Variants in MED15 observed in about 807,000 individuals in gnomAD.
The protein encoded by MED15 is mediator complex subunit 15.
Under a neutral mutation model 118.7 loss-of-function variants are expected in MED15, and 41 were observed. The observed-to-expected ratio is 0.35, with a 90% CI of 0.27 to 0.45. The LOEUF (loss-of-function observed/expected upper bound fraction) is 0.45, where lower values mean the gene tolerates loss of function less well. MED15 is among the 20% of genes least tolerant of loss of function. MED15 has a pLI of 1.00. For missense variants in MED15, 740 were observed against 1,025.5 expected (o/e 0.72, Z 3.80); for synonymous variants, 436 against 413.9 (o/e 1.05, Z -0.65).
At chr22:20,535,740 T>A (rs5995758) in intron 1 of MED15, among the ~76,000 whole-genome samples, 35,632 of 151,520 alleles carry the variant, frequency 0.24, 4,636 homozygotes, top group Non-Finnish European at 0.26. Context: ...TTTGTATTTT[T>A]AGTAGAGACA....
chr22:20,585,634 C>T (rs1782189404), intron 16 of MED15, 94 bp from the exon 17 acceptor site: 2 of 1,189,376 alleles, frequency 1.7e-6, no homozygotes, highest in African/African-American at 1.5e-5. Context: ...TCACCAGAAC[C>T]TCCCTGGGTG....
intron 17 of MED15, among the ~76,000 whole-genome samples, chr22:20,586,070 C>T (rs371493968): frequency 2.0e-5 from 3 of 152,336 alleles, no homozygotes; most frequent in Admixed American, 6.5e-5. Flanking sequence ...GTCACGTCAG[C>T]TGTCCAGGGT....
intron 9 of MED15, among the ~76,000 whole-genome samples, chr22:20,580,805 G>C (rs2056957636): frequency 6.6e-6 from 1 of 152,196 alleles, no homozygotes; most frequent in African/African-American, 2.4e-5. Flanking sequence ...TTTGGTGGGA[G>C]AAATCTCTGT....
At chr22:20,526,311 C>G (rs1395680554) in intron 1 of MED15, among the ~76,000 whole-genome samples, 1 of 152,226 alleles carries the variant, frequency 6.6e-6, no homozygotes, top group Admixed American at 6.5e-5. Flanking sequence ...GCCTTTACAT[C>G]TGAGCTTTCT....
intron 7 of MED15, 58 bp from the exon 8 acceptor site, chr22:20,568,463 T>C (rs1380047925): frequency 6.3e-7 from 1 of 1,584,996 alleles, no homozygotes; most frequent in East Asian, 2.3e-5. Context: ...ACAGGAAGAC[T>C]AGGCTCTGCT....
At chr22:20,578,762 C>T (rs1031140118) in intron 9 of MED15, among the ~76,000 whole-genome samples, 14 of 152,176 alleles carry the variant, frequency 9.2e-5, no homozygotes, top group African/African-American at 3.4e-4. Context: ...CAGCAGTCAG[C>T]AGGACACAGT....
At chr22:20,579,857 C>T (rs886826238) in intron 9 of MED15, among the ~76,000 whole-genome samples, 1 of 152,112 alleles carries the variant, frequency 6.6e-6, no homozygotes, top group African/African-American at 2.4e-5. Context: ...GGTGTGCACT[C>T]AGAAACTCCT....
chr22:20,546,907 G>A (rs1218839964), intron 2 of MED15, among the ~76,000 whole-genome samples: 1 of 152,154 alleles, frequency 6.6e-6, no homozygotes, highest in African/African-American at 2.4e-5. Flanking sequence ...CTACGTGGGC[G>A]CTGGTCTGTT....
intron 5 of MED15, among the ~76,000 whole-genome samples, chr22:20,559,659 C>T (rs188614106): frequency 9.2e-5 from 14 of 152,226 alleles, no homozygotes; most frequent in Admixed American, 5.2e-4. Flanking sequence ...GCAGTAGAGT[C>T]AGAAAGGTAA....
intron 2 of MED15, among the ~76,000 whole-genome samples, chr22:20,543,124 TG>T (rs1309459640): frequency 2.9e-3 from 34 of 11,666 alleles, no homozygotes; most frequent in Non-Finnish European, 5.4e-3. Context: ...TGTGTGTGTG[TG>T]TGTGTGTGTG....
At chr22:20,538,510 T>C (rs1281781216) in intron 2 of MED15, among the ~76,000 whole-genome samples, 1 of 152,226 alleles carries the variant, frequency 6.6e-6, no homozygotes, top group African/African-American at 2.4e-5. Flanking sequence ...TTGCCCTCCC[T>C]AAATGCTGGG....
At chr22:20,564,313 T>C (rs1009531577) in intron 5 of MED15, 137 bp from the exon 6 acceptor site, 7 of 1,447,374 alleles carry the variant, frequency 4.8e-6, no homozygotes, top group African/African-American at 1.4e-5. Flanking sequence ...CTGTCTGTGG[T>C]AAATGGAACG....
chr22:20,551,335 G>A, intron 2 of MED15, 101 bp from the exon 3 acceptor site: 1 of 1,051,898 alleles, frequency 9.5e-7, no homozygotes. Flanking sequence ...CTTGCAGGAT[G>A]GGCTTCAGCT....
At chr22:20,520,233 G>A (rs1307209068) in intron 1 of MED15, among the ~76,000 whole-genome samples, 1 of 152,188 alleles carries the variant, frequency 6.6e-6, no homozygotes, top group African/African-American at 2.4e-5. Flanking sequence ...AGGTTAAGAA[G>A]TGACTCATCC....
intron 7 of MED15, among the ~76,000 whole-genome samples, chr22:20,568,255 T>C (rs926087099): frequency 8.5e-5 from 8 of 94,674 alleles, no homozygotes; most frequent in Admixed American, 2.5e-4. Context: ...AAGCTCTGCA[T>C]TGGAAGTCGT....
At position 20,585,026 on chromosome 22, in the gene MED15, C is replaced by A; in HGVS notation, c.1964+11C>A. The A allele has an allele frequency of 6.2e-7, 1 of 1,613,920 alleles. No individual in the cohort carries two copies. The highest frequency in any genetic ancestry group is 8.5e-7 in the Non-Finnish European group (1 of 1,179,954). On this transcript the variant is annotated intron_variant, in intron 15 of 17. Coordinates refer to ENST00000263205, the MANE Select transcript of MED15 (RefSeq NM_001003891.3). ...CGGCCCACCCATCACGTATGTCCAG[C>A]TGGGCTGGGCTTTGCGGAGGGCGGC...
At chr22:20,568,140 C>A (rs1018331282) in intron 7 of MED15, among the ~76,000 whole-genome samples, 3 of 152,216 alleles carry the variant, frequency 2.0e-5, no homozygotes, top group Non-Finnish European at 4.4e-5. Flanking sequence ...TACGCCCTGC[C>A]CTCTGCTGGC....
intron 1 of MED15, among the ~76,000 whole-genome samples, chr22:20,527,593 C>T (rs2054695667): frequency 6.6e-6 from 1 of 151,932 alleles, no homozygotes; most frequent in Non-Finnish European, 1.5e-5. Flanking sequence ...AGGCATGCAC[C>T]ACCACTCCTG....
In MED15 at chr22:20,585,267, G is replaced by A. The variant is rs779749011; in HGVS notation, c.2131G>A (p.Asp711Asn). 1 of 1,612,876 alleles carries A rather than the reference G, an allele frequency of 6.2e-7. No individual in the cohort carries two copies. The highest frequency in any genetic ancestry group is 1.1e-5 in the South Asian group (1 of 91,070). Residue 711 changes from aspartate to asparagine, a missense_variant and splice_region_variant, in exon 16 of 18, where the codon GAT becomes AAT. Coordinates refer to ENST00000263205, the MANE Select transcript of MED15 (RefSeq NM_001003891.3). ...NGTVHLICKL[D>N]DKDLPSVPPL... ...CACTGTCCACCTGATCTGCAAGCTG[G>A]GTGAGTGTCCAGAGGGCCGGGACTG...
Sources: allele counts gnomAD v4.1 joint callset (sites outside exome capture counted in the v4.1 genomes callset), GRCh38; gene constraint gnomAD v4.1.1; transcripts MANE v1.5; gene names NCBI Gene and HGNC (gene_info 2026-07-23, HGNC 2026-07-21).